The following GABRB1 variants were observed in gnomAD, a reference collection of about 807,000 sequenced individuals.
The protein encoded by GABRB1 is gamma-aminobutyric acid type A receptor subunit beta1.
A neutral mutation model predicts 51.6 loss-of-function variants in GABRB1; 17 were observed. That is an observed-to-expected ratio of 0.33 (90% CI 0.23 to 0.49). The LOEUF (loss-of-function observed/expected upper bound fraction) is 0.49. Among genes scored for constraint, GABRB1 ranks in the 20% least tolerant of loss-of-function variants. The pLI is 0.99. For synonymous variants in GABRB1, 247 were observed against 218.9 expected, an observed-to-expected ratio of 1.13 and a Z score of -1.14; for missense variants, 410 against 600.6, an observed-to-expected ratio of 0.68 and a Z score of 3.32.
At chr4:47,216,772 T>C (rs1245896196) in intron 4 of GABRB1, among the ~76,000 whole-genome samples, 1 of 151,890 alleles carries the variant, frequency 6.6e-6, no homozygotes, top group East Asian at 1.9e-4. Context: ...CATAGCGAAG[T>C]GGTACAGCCA....
chr4:47,249,501 G>T (rs1281219275), intron 4 of GABRB1, among the ~76,000 whole-genome samples: 2 of 152,052 alleles, frequency 1.3e-5, no homozygotes, highest in Admixed American at 6.6e-5. Context: ...TGGGTGAAAT[G>T]TTCTGTATAT....
intron 5 of GABRB1, among the ~76,000 whole-genome samples, chr4:47,387,949 A>G (rs973781813): frequency 1.2e-4 from 18 of 152,312 alleles, no homozygotes; most frequent in Admixed American, 1.0e-3. Context: ...GGGAAATTTA[A>G]GAGGAGTTGG....
At chr4:47,298,438 C>T (rs931312671) in intron 4 of GABRB1, among the ~76,000 whole-genome samples, 7 of 152,132 alleles carry the variant, frequency 4.6e-5, no homozygotes, top group Non-Finnish European at 2.9e-5. Flanking sequence ...TTCTTATACA[C>T]CAATAACAGA....
intron 4 of GABRB1, among the ~76,000 whole-genome samples, chr4:47,289,625 C>T (rs1275838931): frequency 6.6e-6 from 1 of 152,146 alleles, no homozygotes; most frequent in Non-Finnish European, 1.5e-5. Flanking sequence ...GCATGGTCTT[C>T]CAATTAGCTG....
intron 4 of GABRB1, among the ~76,000 whole-genome samples, chr4:47,220,690 T>G (rs1720734266): frequency 6.6e-6 from 1 of 152,014 alleles, no homozygotes; most frequent in South Asian, 2.1e-4. Flanking sequence ...CTTTGATTTC[T>G]GCACACTTCT....
chr4:47,276,969 G>A (rs1053612298), intron 4 of GABRB1, among the ~76,000 whole-genome samples: 2 of 152,028 alleles, frequency 1.3e-5, no homozygotes, highest in Non-Finnish European at 2.9e-5. Flanking sequence ...TCCTAACCTG[G>A]TATCTAGGAT....
intron 5 of GABRB1, among the ~76,000 whole-genome samples, chr4:47,375,097 A>C (rs886814368): frequency 6.6e-6 from 1 of 152,238 alleles, no homozygotes; most frequent in Non-Finnish European, 1.5e-5. Flanking sequence ...TCTTGAACCT[A>C]GGGGCATTAT....
intron 3 of GABRB1, among the ~76,000 whole-genome samples, chr4:47,141,737 T>C (rs1224728034): frequency 6.6e-6 from 1 of 151,982 alleles, no homozygotes. Context: ...ACTCAGCTTC[T>C]TCTCTAGAGA....
At chr4:47,263,940 A>C (rs1039069825) in intron 4 of GABRB1, among the ~76,000 whole-genome samples, 1 of 151,952 alleles carries the variant, frequency 6.6e-6, no homozygotes, top group African/African-American at 2.4e-5. Flanking sequence ...TGAGCCCAGG[A>C]ATTCAAAACA....
At chr4:47,099,469 A>G (rs1339093927) in intron 3 of GABRB1, among the ~76,000 whole-genome samples, 1 of 152,124 alleles carries the variant, frequency 6.6e-6, no homozygotes, top group Non-Finnish European at 1.5e-5. Context: ...CTTGAGCTAG[A>G]TAAATATATC....
intron 3 of GABRB1, among the ~76,000 whole-genome samples, chr4:47,046,994 C>G (rs1436024260): frequency 3.3e-5 from 5 of 151,888 alleles, no homozygotes; most frequent in Non-Finnish European, 5.9e-5. Flanking sequence ...CTATCAGAGG[C>G]TGGAGGGTGG....
chr4:47,370,727 G>C (rs1327703313), intron 5 of GABRB1, among the ~76,000 whole-genome samples: 2 of 152,108 alleles, frequency 1.3e-5, no homozygotes, highest in African/African-American at 4.8e-5. Flanking sequence ...TGACCAACCA[G>C]GTGCTTGTCT....
At chr4:47,218,724 T>A (rs545764184) in intron 4 of GABRB1, among the ~76,000 whole-genome samples, 2 of 151,924 alleles carry the variant, frequency 1.3e-5, no homozygotes, top group South Asian at 4.1e-4. Context: ...TATTCATTTT[T>A]GAATCTCTCT....
At chr4:47,234,958 G>A (rs1182983655) in intron 4 of GABRB1, among the ~76,000 whole-genome samples, 2 of 152,144 alleles carry the variant, frequency 1.3e-5, no homozygotes, top group African/African-American at 4.8e-5. Flanking sequence ...GGACTTACAG[G>A]TTCCTAACGA....
intron 4 of GABRB1, among the ~76,000 whole-genome samples, chr4:47,284,681 C>G (rs982128113): frequency 6.6e-6 from 1 of 152,126 alleles, no homozygotes; most frequent in African/African-American, 2.4e-5. Context: ...GATCCTACAA[C>G]CAAAGCTAAA....
intron 1 of GABRB1, among the ~76,000 whole-genome samples, chr4:47,003,426 T>C (rs546809944): frequency 6.6e-6 from 1 of 152,352 alleles, no homozygotes; most frequent in East Asian, 1.9e-4. Context: ...AAGCATTTAA[T>C]ATGCTTATGT....
At chr4:47,300,270 A>G (rs1724206464) in intron 4 of GABRB1, among the ~76,000 whole-genome samples, 1 of 152,108 alleles carries the variant, frequency 6.6e-6, no homozygotes, top group Non-Finnish European at 1.5e-5. Flanking sequence ...AAATTAAAAA[A>G]GTGTTAATAG....
chr4:47,078,161 A>G (rs2109560494), intron 3 of GABRB1, among the ~76,000 whole-genome samples: 1 of 150,756 alleles, frequency 6.6e-6, no homozygotes, highest in South Asian at 2.1e-4. Context: ...GGCTAATTTT[A>G]TATTTTTAGT....
intron 4 of GABRB1, among the ~76,000 whole-genome samples, chr4:47,181,893 C>T (rs1254510636): frequency 6.6e-6 from 1 of 152,000 alleles, no homozygotes; most frequent in Non-Finnish European, 1.5e-5. Context: ...GATTCAGCCC[C>T]AAACTTCTAG....
Sources: allele counts gnomAD v4.1 joint callset (sites outside exome capture counted in the v4.1 genomes callset), GRCh38; gene constraint gnomAD v4.1.1; transcripts MANE v1.5; gene names NCBI Gene and HGNC (gene_info 2026-07-23, HGNC 2026-07-21).